Variants in CENPE observed in about 807,000 individuals in gnomAD.
CENPE encodes the protein centromere-associated protein E.
CENPE carries 145 observed loss-of-function variants against 336.1 expected under a neutral mutation model. That is an observed-to-expected ratio of 0.43 (90% confidence interval 0.38 to 0.50). The LOEUF (loss-of-function observed/expected upper bound fraction) is 0.50, where lower values mean the gene tolerates loss of function less well. Among genes scored for constraint, CENPE ranks in the 20% least tolerant of loss-of-function variants. CENPE has a pLI of 0.00. For missense variants in CENPE, 2,719 were observed against 3,023.3 expected, an observed-to-expected ratio of 0.90 and a Z score of 2.36; for synonymous variants, 1,013 against 984.8, an observed-to-expected ratio of 1.03 and a Z score of -0.54.
Position 103,195,955 on chromosome 4 carries a change from T to G in CENPE, c.322A>C (p.Arg108=). 6.2e-7 allele frequency: 1 copy of G among 1,613,744 alleles called. No homozygotes were observed. The highest frequency in any genetic ancestry group is 1.1e-5 in the South Asian group (1 of 91,076). ...TTTTGGAAAATGTCATGAATTGCCC[T>G]GGGTATAACTCCCAAATGATCTTCT... is the stretch of plus-strand genomic sequence containing the variant. ...GSEDHLGVIP[R]AIHDIFQKIK... The change falls in exon 4 of 49, where the codon AGG becomes CGG. Residue 108 remains arginine, a synonymous_variant. Transcript: ENST00000265148.
In CENPE at chr4:103,163,501, T is replaced by C; in HGVS notation, c.1700A>G (p.Glu567Gly). 6.3e-7 allele frequency: 1 copy of C among 1,594,936 alleles called. No individual in the cohort carries two copies. Among genetic ancestry groups the C allele is most frequent in the Non-Finnish European group, 8.5e-7 (1 of 1,172,394 alleles). Residue 567 changes from glutamate to glycine, a missense_variant, in exon 17 of 49, where the codon GAA becomes GGA. Glu to Gly is a moderately conservative substitution (Grantham distance 98). This residue lies in a region of CENPE where 2,437 missense variants were observed against 2,513.3 expected (regional missense o/e 0.97). Coordinates refer to ENST00000265148, the MANE Select transcript of CENPE (RefSeq NM_001813.3). ...SNLKNLVKHA[E>G]VYNQDLENEL... ...CACCTCAAGATCTTGATTATATACT[T>C]CTGCATGCTTAACTAAATTCTTTAA...
intron 46 of CENPE, among the ~76,000 whole-genome samples, chr4:103,112,450 T>C: frequency 6.9e-6 from 1 of 145,568 alleles, no homozygotes; most frequent in Non-Finnish European, 1.5e-5. Context: ...CATATACTTA[T>C]ATATACATAT....
At chr4:103,197,972 G>C (rs1026596752) in intron 1 of CENPE, among the ~76,000 whole-genome samples, 10 of 152,262 alleles carry the variant, frequency 6.6e-5, no homozygotes, top group African/African-American at 2.2e-4. Flanking sequence ...CTCTAGGCGG[G>C]GAATGGGGCA....
In CENPE at chr4:103,113,125, T is replaced by TGTGTATATATACTTATAAGTATATAA. The variant is rs758554983; in HGVS notation, c.7540+1304_7540+1329dup. 7.2e-3 allele frequency among the ~76,000 whole-genome samples: 779 copies of TGTGTATATATACTTATAAGTATATAA among 108,116 alleles called. 25 individuals are homozygous for TGTGTATATATACTTATAAGTATATAA. The highest frequency in any genetic ancestry group is 0.014 in the Middle Eastern group (1 of 70). 70.9% of individuals were successfully genotyped at this position (108,116 alleles called of 152,430 possible). A position where few individuals can be genotyped will look rare whatever the true frequency, so the allele number is the denominator to read the frequency against. ...GTGTATATATATACTTATAAGTATA[T>TGTGTATATATACTTATAAGTATATAA]GTGTATATATACTTATAAGTATATA... On this transcript the variant is annotated intron_variant, in intron 46 of 48. Transcript: ENST00000265148.
In CENPE at chr4:103,106,343, C is replaced by T. The variant is rs562994759; in HGVS notation, c.8012-27G>A. On this transcript the variant is annotated intron_variant, in intron 48 of 48. Coordinates refer to ENST00000265148, the MANE Select transcript of CENPE (RefSeq NM_001813.3). ...TGAGAAAGAAAATGAAAACAACATTCATCCTATTACAAAAATACACAAAAA... is the reference window on the plus strand; with the variant it reads ...TGAGAAAGAAAATGAAAACAACATTTATCCTATTACAAAAATACACAAAAA... 7 of 1,534,254 alleles carry T rather than the reference C, an allele frequency of 4.6e-6. No individual in the cohort carries two copies. The East Asian group carries it at 1.6e-4, about 36-fold the overall frequency.
intron 15 of CENPE, 45 bp downstream of exon 15, chr4:103,175,915 T>TA: frequency 8.3e-7 from 1 of 1,206,226 alleles, no homozygotes; most frequent in South Asian, 1.4e-5. Flanking sequence ...AAAAGAATTT[T>TA]AAAAAGAGTA....
intron 48 of CENPE, 47 bp from the exon 49 acceptor site, chr4:103,106,363 C>A: frequency 6.9e-7 from 1 of 1,446,572 alleles, no homozygotes; most frequent in South Asian, 1.3e-5. Context: ...CAAAAATACA[C>A]AAAAACCAAG....
In CENPE at chr4:103,109,100, G is replaced by A; in HGVS notation, c.7725-11C>T. The A allele has an allele frequency of 6.3e-7, 1 of 1,594,122 alleles. No individual in the cohort carries two copies. Among genetic ancestry groups the A allele is most frequent in the Non-Finnish European group, 8.5e-7 (1 of 1,171,276 alleles). On this transcript the variant is annotated splice_polypyrimidine_tract_variant and intron_variant, in intron 47 of 48. Transcript: ENST00000265148. ...AGATGCTGATTATTGCTTAAATGTGGGGGAAGAAAAGAGAGACTGTAAGAC... is the reference window on the plus strand; with the variant it reads ...AGATGCTGATTATTGCTTAAATGTGAGGGAAGAAAAGAGAGACTGTAAGAC...
At chr4:103,144,672 G>C in intron 32 of CENPE, 54 bp from the exon 33 acceptor site, 1 of 1,224,980 alleles carries the variant, frequency 8.2e-7, no homozygotes, top group Middle Eastern at 2.6e-4. Context: ...TTAGGAAAAG[G>C]AAGAACTGTT....
intron 40 of CENPE, among the ~76,000 whole-genome samples, chr4:103,135,781 G>C (rs943617910): frequency 6.6e-6 from 1 of 152,126 alleles, no homozygotes; most frequent in Non-Finnish European, 1.5e-5. Flanking sequence ...CTTTGTTATT[G>C]AGTCTGGCTT....
rs781298329 is a variant in CENPE at position 103,106,249 on chromosome 4, C to G, written c.8079G>C (p.Lys2693Asn). ...ACTGAGTTTTGCACTCAGGCACATC[C>G]TTGCCTGAGGAGGCGTGCCAAGGAC... is the stretch of plus-strand genomic sequence containing the variant. ...QPGPWHASSGKDVPECKTQ is the reference protein window; with the variant it reads ...QPGPWHASSGNDVPECKTQ Residue 2693 changes from lysine (K) to asparagine (N), a missense_variant, in exon 49 of 49, where the codon AAG becomes AAC. Lys to Asn is a moderately conservative substitution (Grantham distance 94, BLOSUM62 0). Transcript: ENST00000265148. 25 of 1,596,032 alleles carry G rather than the reference C, an allele frequency of 1.6e-5. No homozygotes were observed. The East Asian group carries it at 5.4e-4, about 35-fold the overall frequency.
chr4:103,163,083 T>A, intron 18 of CENPE, 54 bp downstream of exon 18: 2 of 1,472,020 alleles, frequency 1.4e-6, no homozygotes, highest in Non-Finnish European at 1.8e-6. Flanking sequence ...GCTAAGATGA[T>A]GGTATGCTAT....
rs751449945 is a variant in CENPE, at chr4:103,194,401, G to A, written c.600C>T (p.Ser200=). The A allele has an allele frequency of 5.0e-6, 8 of 1,611,018 alleles. No individual in the cohort carries two copies. The highest frequency in any genetic ancestry group is 2.7e-5 in the African/African-American group (2 of 74,776). ...HYGETKMNQR[S]SRSHTIFRMI... is the part of the protein sequence containing the mutation. ...TCCTAAAGATGGTATGAGAACGACT[G>A]CTTCTTTGATTCATTTTTGTTTCTC... Residue 200 remains serine, a synonymous_variant, in exon 7 of 49, where the codon AGC becomes AGT. Transcript: ENST00000265148.
intron 24 of CENPE, among the ~76,000 whole-genome samples, chr4:103,157,155 C>T (rs1449399627): frequency 6.6e-6 from 1 of 150,922 alleles, no homozygotes; most frequent in Non-Finnish European, 1.5e-5. Flanking sequence ...TAAAATGGTG[C>T]AGCTGTTATG....
intron 13 of CENPE, among the ~76,000 whole-genome samples, chr4:103,179,313 A>T (rs1015824705): frequency 6.6e-6 from 1 of 152,232 alleles, no homozygotes; most frequent in Non-Finnish European, 1.5e-5. Flanking sequence ...TGTCACACAC[A>T]AGGCTGTTCT....
chr4:103,109,928 CT>C (rs1166522186), intron 47 of CENPE, among the ~76,000 whole-genome samples: 1 of 152,148 alleles, frequency 6.6e-6, no homozygotes, highest in Non-Finnish European at 1.5e-5. Context: ...TTGTCTTGCA[CT>C]TTACTCTGTC....
chr4:103,112,019 C>CT (rs898535856), intron 46 of CENPE, among the ~76,000 whole-genome samples: 10 of 151,452 alleles, frequency 6.6e-5, no homozygotes, highest in Non-Finnish European at 1.5e-4. Context: ...TGTATATACA[C>CT]TTTTTTAAAA....
chr4:103,191,713 G>C (rs993224412), intron 8 of CENPE, among the ~76,000 whole-genome samples: 1 of 151,798 alleles, frequency 6.6e-6, no homozygotes, highest in Non-Finnish European at 1.5e-5. Flanking sequence ...GTTAATGGGT[G>C]CAGTATACCA....
chr4:103,140,555 G>T, intron 36 of CENPE, 141 bp from the exon 37 acceptor site: 1 of 704,930 alleles, frequency 1.4e-6, no homozygotes, highest in Non-Finnish European at 2.2e-6. Flanking sequence ...AATTAGAAGA[G>T]TAAAGTAAAA....
Sources: gnomAD v4.1 joint callset for allele counts (sites outside exome capture counted in the v4.1 genomes callset) on GRCh38, gnomAD v4.1.1 for gene constraint, gnomAD v4.1.1 regional missense constraint, MANE v1.5 for transcripts, NCBI Gene and HGNC (gene_info 2026-07-23, HGNC 2026-07-21) for gene names.